The following TRPC5 variants were observed in gnomAD, a reference collection of about 807,000 sequenced individuals.
TRPC5 encodes short transient receptor potential channel 5.
TRPC5 carries 9 observed loss-of-function variants against 56.5 expected under a neutral mutation model. The ratio of observed to expected loss-of-function variants is 0.16; its 90% confidence interval spans 0.10 to 0.28. The LOEUF (loss-of-function observed/expected upper bound fraction) is 0.28, where lower values mean the gene tolerates loss of function less well. TRPC5 is among the 10% of genes least tolerant of loss of function. The pLI, the probability that TRPC5 is intolerant of heterozygous loss-of-function variation, is 1.00. For synonymous variants in TRPC5, 282 were observed against 278.5 expected (o/e 1.01, Z -0.13); for missense variants, 469 against 748.9 (o/e 0.63, Z 4.36).
At chrX:111,836,683 G>A (rs143458406) in intron 6 of TRPC5, among the ~76,000 whole-genome samples, 114 of 112,179 alleles carry the variant, frequency 1.0e-3, no homozygotes, top group South Asian at 3.4e-3. Flanking sequence ...GTTATTTTCC[G>A]TCCCTCTCTA....
At chrX:111,871,701 G>A (rs1923765546) in intron 3 of TRPC5, among the ~76,000 whole-genome samples, 1 of 111,846 alleles carries the variant, frequency 8.9e-6, no homozygotes, top group South Asian at 3.8e-4. Context: ...CTTACGAGAT[G>A]TAGAATTGTC....
chrX:112,009,203 T>C (rs1014441170), intron 1 of TRPC5, among the ~76,000 whole-genome samples: 1 of 111,787 alleles, frequency 8.9e-6, no homozygotes, highest in Non-Finnish European at 1.9e-5. Flanking sequence ...CTAGCTGCCA[T>C]GTGTCACGTT....
intron 1 of TRPC5, among the ~76,000 whole-genome samples, chrX:111,955,225 A>G (rs957826595): frequency 1.8e-5 from 2 of 112,429 alleles, no homozygotes; most frequent in Non-Finnish European, 3.8e-5. Flanking sequence ...AGAGGCTTCA[A>G]TAGTATTCCT....
At chrX:111,877,664 A>T (rs1924017349) in intron 3 of TRPC5, among the ~76,000 whole-genome samples, 1 of 111,292 alleles carries the variant, frequency 9.0e-6, no homozygotes, top group Non-Finnish European at 1.9e-5. Context: ...AATTAAGGAA[A>T]AATGCATAGC....
At chrX:111,854,868 AT>A (rs1163831677) in intron 3 of TRPC5, among the ~76,000 whole-genome samples, 1 of 112,017 alleles carries the variant, frequency 8.9e-6, no homozygotes, top group Non-Finnish European at 1.9e-5. Context: ...AGGAAAAAAT[AT>A]TTTGGGGCTG....
At chrX:111,834,391 G>A (rs1038195236) in intron 7 of TRPC5, among the ~76,000 whole-genome samples, 1 of 111,666 alleles carries the variant, frequency 9.0e-6, no homozygotes, top group Non-Finnish European at 1.9e-5. Context: ...AGGAGTTTCA[G>A]ACCAGCCTGG....
chrX:112,081,170 T>A (rs1400514674), intron 1 of TRPC5, among the ~76,000 whole-genome samples: 2 of 111,957 alleles, frequency 1.8e-5, no homozygotes, highest in Admixed American at 9.4e-5. Flanking sequence ...TAAGAGACCA[T>A]GGAGAAAGAT....
chrX:112,071,712 C>G (rs1037264353), intron 1 of TRPC5, among the ~76,000 whole-genome samples: 27 of 111,897 alleles, frequency 2.4e-4, no homozygotes, highest in African/African-American at 8.8e-4. Flanking sequence ...AATGTATTTT[C>G]TTTTGATTTT....
chrX:112,042,944 G>A (rs1423948552), intron 1 of TRPC5, among the ~76,000 whole-genome samples: 1 of 110,867 alleles, frequency 9.0e-6, no homozygotes, highest in Non-Finnish European at 1.9e-5. Context: ...TCTTTTATAT[G>A]CTTATGCAAA....
At chrX:111,942,002 G>A (rs1278831712) in intron 2 of TRPC5, among the ~76,000 whole-genome samples, 1 of 111,784 alleles carries the variant, frequency 8.9e-6, no homozygotes. Context: ...CTGTCTCTGA[G>A]CCAGTCTCAG....
chrX:111,859,293 GA>G (rs1002118551), intron 3 of TRPC5, among the ~76,000 whole-genome samples: 2 of 112,156 alleles, frequency 1.8e-5, no homozygotes, highest in Non-Finnish European at 3.8e-5. Context: ...AATACAAGTT[GA>G]AAAACATTAG....
intron 7 of TRPC5, among the ~76,000 whole-genome samples, chrX:111,786,827 A>G (rs1182500076): frequency 8.9e-6 from 1 of 111,964 alleles, no homozygotes; most frequent in African/African-American, 3.3e-5. Flanking sequence ...GAAGGCCATT[A>G]CATAATGTTA....
intron 1 of TRPC5, among the ~76,000 whole-genome samples, chrX:111,967,183 T>C (rs938532967): frequency 3.6e-5 from 4 of 111,079 alleles, no homozygotes; most frequent in African/African-American, 1.3e-4. Context: ...TATAAACCAA[T>C]AACAGACAAA....
intron 1 of TRPC5, among the ~76,000 whole-genome samples, chrX:112,033,946 G>A (rs1929656288): frequency 8.9e-6 from 1 of 111,783 alleles, no homozygotes; most frequent in South Asian, 3.7e-4. Flanking sequence ...ATTGATCTAT[G>A]AGTTTATTTC....
intron 1 of TRPC5, among the ~76,000 whole-genome samples, chrX:112,057,546 A>T (rs1930369859): frequency 8.9e-6 from 1 of 112,037 alleles, no homozygotes; most frequent in Admixed American, 9.5e-5. Context: ...TATTTTCAAA[A>T]CAGAAATGTG....
Position 111,787,111 on chromosome X carries a change from C to T in TRPC5, c.1897-4973G>A, listed in dbSNP as rs193131711. On this transcript the variant is annotated intron_variant, in intron 7 of 10. Transcript: ENST00000262839. ...AAATCAACAGAATATGCATTCTTCT[C>T]AGCACCACATCACACTTATTCTAAA... Among the ~76,000 whole-genome samples, 21 of 112,004 alleles carry T rather than the reference C, an allele frequency of 1.9e-4. No homozygotes were observed. In the East Asian group the frequency reaches 4.2e-3, roughly 22 times the overall value.
intron 1 of TRPC5, among the ~76,000 whole-genome samples, chrX:112,038,645 G>A (rs1422369543): frequency 9.0e-6 from 1 of 111,478 alleles, no homozygotes; most frequent in Non-Finnish European, 1.9e-5. Context: ...AATGTATATA[G>A]ATTCTGAATC....
chrX:111,916,791 C>T (rs369870602), intron 2 of TRPC5, among the ~76,000 whole-genome samples: 2 of 112,277 alleles, frequency 1.8e-5, no homozygotes, highest in African/African-American at 6.5e-5. Context: ...AAGTTATAAA[C>T]GTTGGCTCAA....
At chrX:111,955,555 C>T (rs1054820280) in intron 1 of TRPC5, among the ~76,000 whole-genome samples, 1 of 111,715 alleles carries the variant, frequency 9.0e-6, no homozygotes, top group African/African-American at 3.3e-5. Flanking sequence ...AATGGATTTC[C>T]TGCATTGTCT....
Sources: gnomAD v4.1 joint callset for allele counts (sites outside exome capture counted in the v4.1 genomes callset) on GRCh38, gnomAD v4.1.1 for gene constraint, MANE v1.5 for transcripts, NCBI Gene and HGNC (gene_info 2026-07-23, HGNC 2026-07-21) for gene names.